SLC30A5: variants seen among roughly 807,000 people sequenced by gnomAD.
The protein encoded by SLC30A5 is proton-coupled zinc antiporter SLC30A5.
In SLC30A5, 33 loss-of-function variants were observed where a neutral mutation model predicts 79.6. The observed-to-expected ratio is 0.41, with a 90% CI of 0.31 to 0.55. SLC30A5 has a LOEUF of 0.55. Ranked by LOEUF, SLC30A5 falls within the 20% of genes least tolerant of loss-of-function variation. The pLI, the probability that SLC30A5 is intolerant of heterozygous loss-of-function variation, is 0.20. For synonymous variants in SLC30A5, 299 were observed against 319.7 expected, an observed-to-expected ratio of 0.94 and a Z score of 0.69; for missense variants, 788 against 928.1, an observed-to-expected ratio of 0.85 and a Z score of 1.96.
At chr5:69,125,544 A>C (rs1414878836) in intron 14 of SLC30A5, among the ~76,000 whole-genome samples, 3 of 135,138 alleles carry the variant, frequency 2.2e-5, no homozygotes, top group Non-Finnish European at 3.2e-5. Context: ...ACACACAAAA[A>C]AAAAAATTAG....
chr5:69,095,628 T>C (rs943304394), intron 1 of SLC30A5, among the ~76,000 whole-genome samples: 35 of 152,230 alleles, frequency 2.3e-4, no homozygotes, highest in African/African-American at 8.2e-4. Flanking sequence ...TAACAGCATA[T>C]CAGATGTTAA....
intron 14 of SLC30A5, 107 bp downstream of exon 14, chr5:69,123,532 C>A: frequency 3.0e-5 from 24 of 799,730 alleles, no homozygotes; most frequent in East Asian, 5.4e-5. Flanking sequence ...CAAAACGAGG[C>A]CAAAAAAGAA....
chr5:69,103,866 G>A, intron 3 of SLC30A5: 1 of 961,526 alleles, frequency 1.0e-6, no homozygotes, highest in Non-Finnish European at 1.5e-6. Flanking sequence ...TTATTAGAAA[G>A]ACGAATTTAA....
At chr5:69,094,465 C>A in intron 1 of SLC30A5, 127 bp downstream of exon 1, 1 of 1,027,410 alleles carries the variant, frequency 9.7e-7, no homozygotes, top group Non-Finnish European at 1.2e-6. Context: ...CCCCTGCCTG[C>A]CTCCCTGCGC....
chr5:69,104,846 G>T (rs1304751760), intron 4 of SLC30A5, 130 bp downstream of exon 4: 2 of 825,894 alleles, frequency 2.4e-6, no homozygotes, highest in Middle Eastern at 3.7e-4. Flanking sequence ...GCATCAGAGA[G>T]AATTCAACAG....
rs982052117 is a variant in SLC30A5, at chr5:69,130,261, T to C, written c.*644T>C. On this transcript the variant is annotated 3_prime_UTR_variant, in exon 16 of 16. Coordinates refer to ENST00000396591, the MANE Select transcript of SLC30A5 (RefSeq NM_022902.5). ...CTATAAAATAAATTTTTTTTACTTTTGGTAATATTTGCAAATGAATAATTA... is the reference window on the plus strand; with the variant it reads ...CTATAAAATAAATTTTTTTTACTTTCGGTAATATTTGCAAATGAATAATTA... 6.6e-6 allele frequency: 1 copy of C among 152,206 alleles called. No homozygotes were observed. The highest frequency in any genetic ancestry group is 1.5e-5 in the Non-Finnish European group (1 of 68,020). 9.4% of individuals were successfully genotyped at this position (152,206 alleles called of 1,614,324 possible).
intron 11 of SLC30A5, among the ~76,000 whole-genome samples, chr5:69,117,769 C>T (rs1746410594): frequency 6.6e-6 from 1 of 151,302 alleles, no homozygotes; most frequent in African/African-American, 2.4e-5. Flanking sequence ...CCCAGCTACT[C>T]GGGAGGTTGA....
intron 13 of SLC30A5, 135 bp downstream of exon 13, chr5:69,122,030 G>A: frequency 1.6e-6 from 1 of 643,132 alleles, no homozygotes; most frequent in Admixed American, 3.1e-5. Context: ...AGAAAGGTCT[G>A]AAGCTATCAC....
chr5:69,096,226 G>C (rs1745726763), intron 1 of SLC30A5, among the ~76,000 whole-genome samples: 1 of 152,216 alleles, frequency 6.6e-6, no homozygotes, highest in African/African-American at 2.4e-5. Flanking sequence ...ATACCTCTGT[G>C]TGTGCATTCA....
chr5:69,112,393 T>C (rs1288724303), intron 5 of SLC30A5, among the ~76,000 whole-genome samples: 1 of 152,222 alleles, frequency 6.6e-6, no homozygotes, highest in Non-Finnish European at 1.5e-5. Context: ...TTTCTATAAT[T>C]TTCTTTTATG....
chr5:69,117,730 A>G (rs1319101378), intron 11 of SLC30A5, among the ~76,000 whole-genome samples: 1 of 151,790 alleles, frequency 6.6e-6, no homozygotes, highest in Non-Finnish European at 1.5e-5. Flanking sequence ...TACAAAAATT[A>G]GCCGGGTATG....
intron 4 of SLC30A5, among the ~76,000 whole-genome samples, chr5:69,105,546 A>C (rs1385847937): frequency 6.6e-6 from 1 of 152,140 alleles, no homozygotes; most frequent in African/African-American, 2.4e-5. Flanking sequence ...CCTTTATTAA[A>C]AAATATACAA....
rs1328080475 is a variant in SLC30A5, at chr5:69,100,856, G to C, written c.133G>C (p.Val45Leu). 5.0e-6 allele frequency: 8 copies of C among 1,608,562 alleles called. No homozygotes were observed. The Admixed American group carries it at 1.2e-4, about 24-fold the overall frequency. ...LLCFTKFLKAVGLFESYDLLK... is the reference protein window; with the variant it reads ...LLCFTKFLKALGLFESYDLLK... ...ATGTTTCACTAAATTTTTGAAGGCT[G>C]TGGGACTTTTCGAATCATATGATCT... Residue 45 changes from valine (V) to leucine (L), a missense_variant, in exon 2 of 16, where the codon GTG becomes CTG. This residue lies in a region of SLC30A5 where 626 missense variants were observed against 755.5 expected (regional missense o/e 0.83). Coordinates refer to ENST00000396591, the MANE Select transcript of SLC30A5 (RefSeq NM_022902.5).
intron 14 of SLC30A5, among the ~76,000 whole-genome samples, chr5:69,127,377 C>G (rs1367029852): frequency 1.3e-5 from 2 of 150,768 alleles, no homozygotes; most frequent in Non-Finnish European, 2.9e-5. Context: ...ACCTATAATC[C>G]TAGCACTTCG....
Position 69,129,600 on chromosome 5 carries a change from G to A in SLC30A5, c.2281G>A (p.Gly761Ser). 6.2e-7 allele frequency: 1 copy of A among 1,610,550 alleles called. No individual in the cohort carries two copies. Among genetic ancestry groups the A allele is most frequent in the Non-Finnish European group, 8.5e-7 (1 of 1,178,568 alleles). Residue 761 changes from glycine to serine, a missense_variant, in exon 16 of 16, where the codon GGT (glycine) becomes AGT (serine). Gly to Ser is a moderately conservative substitution (Grantham distance 56). This residue lies in a region of SLC30A5 where 158 missense variants were observed against 156.2 expected (regional missense o/e 1.01). Coordinates refer to ENST00000396591, the MANE Select transcript of SLC30A5 (RefSeq NM_022902.5). Reference sequence around the variant, plus strand: ...GGAATCCATGAAATACTGCAAAGATGGTACTTACATCATGTGAGATAACTC... The same window carrying A: ...GGAATCCATGAAATACTGCAAAGATAGTACTTACATCATGTGAGATAACTC... ...QMESMKYCKD[G>S]TYIM
chr5:69,094,334 G>C lies in SLC30A5; in HGVS notation c.79G>C (p.Ala27Pro). 8.0e-7 allele frequency: 1 copy of C among 1,251,398 alleles called. No homozygotes were observed. Among genetic ancestry groups the C allele is most frequent in the Non-Finnish European group, 1.0e-6 (1 of 990,718 alleles). The allele number at this position is 1,251,398 out of a possible 1,614,324, so 77.5% of individuals were successfully genotyped here. Reference protein sequence around the residue: ...GGLGPVDVPSARLTKYIVLLC... With the variant: ...GGLGPVDVPSPRLTKYIVLLC... ...CCTTGGGCCGGTGGACGTACCCAGC[G>C]CTCGGTAAGGGACCGATCCGGAAGG... Residue 27 changes from alanine to proline, a missense_variant, in exon 1 of 16, where the codon GCT (alanine) becomes CCT (proline). Ala to Pro is a conservative substitution (Grantham distance 27). Coordinates refer to ENST00000396591, the MANE Select transcript of SLC30A5 (RefSeq NM_022902.5).
At chr5:69,109,314 C>T (rs1038432211) in intron 5 of SLC30A5, among the ~76,000 whole-genome samples, 1 of 151,296 alleles carries the variant, frequency 6.6e-6, no homozygotes, top group Non-Finnish European at 1.5e-5. Context: ...CCCATAAATA[C>T]ATATACCTAC....
At position 69,121,820 on chromosome 5, in the gene SLC30A5, A is replaced by G; in HGVS notation, c.1696A>G (p.Met566Val). 1 of 1,613,326 alleles carries G rather than the reference A, an allele frequency of 6.2e-7. No individual in the cohort carries two copies. Among genetic ancestry groups the G allele is most frequent in the Non-Finnish European group, 8.5e-7 (1 of 1,179,592 alleles). The change falls in exon 13 of 16, where the codon ATG (methionine) becomes GTG (valine). Residue 566 changes from methionine (M) to valine (V), a missense_variant. Physicochemically the swap from Met to Val is conservative, Grantham distance 21 (BLOSUM62 1). Transcript: ENST00000396591. ...ATCTGATCACAGCCATTCACACCAT[A>G]TGCATGGACACAGTGACCATGGGCA... Reference protein sequence around the residue: ...HSSDHSHSHHMHGHSDHGHGH... With the variant: ...HSSDHSHSHHVHGHSDHGHGH...
At chr5:69,127,482 A>AAAG (rs1746731953) in intron 14 of SLC30A5, among the ~76,000 whole-genome samples, 1 of 151,276 alleles carries the variant, frequency 6.6e-6, no homozygotes, top group African/African-American at 2.4e-5. Flanking sequence ...ACAAAAAAAA[A>AAAG]AAAAAAAAAA....
Sources: gnomAD v4.1 joint callset for allele counts (sites outside exome capture counted in the v4.1 genomes callset) on GRCh38, gnomAD v4.1.1 for gene constraint, gnomAD v4.1.1 regional missense constraint, MANE v1.5 for transcripts, NCBI Gene and HGNC (gene_info 2026-07-23, HGNC 2026-07-21) for gene names.